The following EFEMP2 variants were observed in gnomAD, a reference collection of about 807,000 sequenced individuals.
EFEMP2 encodes EGF-like fibulin extracellular matrix protein 2.
Under a neutral mutation model 55.3 loss-of-function variants are expected in EFEMP2, and 21 were observed. The observed-to-expected ratio is 0.38, with a 90% confidence interval of 0.27 to 0.55. The LOEUF is 0.55. EFEMP2 is among the 20% of genes least tolerant of loss of function. The pLI, the probability that EFEMP2 is intolerant of heterozygous loss-of-function variation, is 0.77. For missense variants in EFEMP2, 513 were observed against 615.1 expected (o/e 0.83, Z 1.76); for synonymous variants, 275 against 242.3 (o/e 1.14, Z -1.25).
Position 65,867,036 on chromosome 11 carries a change from A to G in EFEMP2, c.1214T>C (p.Val405Ala), listed in dbSNP as rs1226554927. 3 of 1,614,074 alleles carry G rather than the reference A, an allele frequency of 1.9e-6. No homozygotes were observed. The highest frequency in any genetic ancestry group is 2.5e-6 in the Non-Finnish European group (3 of 1,180,002). ...VSAMLVLARP[V>A]TGPREYVLDL... ...CAGCACGTACTCCCGGGGGCCCGTC[A>G]CCGGCCGGGCGAGGACCAGCATGGC... Residue 405 changes from valine (V) to alanine (A), a missense_variant, in exon 11 of 11, where the codon GTG becomes GCG. Physicochemically the swap from Val to Ala is moderately conservative, Grantham distance 64 (BLOSUM62 0). Coordinates refer to ENST00000307998, the MANE Select transcript of EFEMP2 (RefSeq NM_016938.5).
chr11:65,868,606 T>C lies in EFEMP2; in HGVS notation c.751A>G (p.Ser251Gly). Residue 251 changes from serine (S) to glycine (G), a missense_variant, in exon 8 of 11, where the codon AGC (serine) becomes GGC (glycine). Ser to Gly is a moderately conservative substitution (Grantham distance 56). Coordinates refer to ENST00000307998, the MANE Select transcript of EFEMP2 (RefSeq NM_016938.5). The part of the protein sequence containing the change: ...CSDIDECSYS[S>G]YLCQYRCINE... ...ATGCAGCGGTACTGACAGAGGTAGCTGGAGTAGCTACACTCATCAATATCT... is the reference window on the plus strand; with the variant it reads ...ATGCAGCGGTACTGACAGAGGTAGCCGGAGTAGCTACACTCATCAATATCT... 1 of 1,613,908 alleles carries C rather than the reference T, an allele frequency of 6.2e-7. No homozygotes were observed. Among genetic ancestry groups the C allele is most frequent in the Non-Finnish European group, 8.5e-7 (1 of 1,180,026 alleles).
chr11:65,868,162 G>A, intron 9 of EFEMP2, 106 bp from the exon 10 acceptor site: 1 of 1,559,970 alleles, frequency 6.4e-7, no homozygotes, highest in African/African-American at 1.4e-5. Flanking sequence ...CTACCCCTGT[G>A]ACTGGTTTTC....
chr11:65,867,451 A>T, intron 10 of EFEMP2: 1 of 420,794 alleles, frequency 2.4e-6, no homozygotes, highest in South Asian at 2.2e-5. Flanking sequence ...TACTAGACAA[A>T]CCCCTTCTCC....
chr11:65,867,737 C>T (rs1311182051), intron 10 of EFEMP2, 124 bp downstream of exon 10: 1 of 1,084,522 alleles, frequency 9.2e-7, no homozygotes, highest in African/African-American at 1.6e-5. Context: ...GCAGAAACCC[C>T]GCCTCCGGGG....
chr11:65,867,840 T>G, intron 10 of EFEMP2, 21 bp downstream of exon 10: 1 of 1,613,570 alleles, frequency 6.2e-7, no homozygotes, highest in East Asian at 2.2e-5. Flanking sequence ...GCATGTCAGT[T>G]GAGGGTTGCA....
Position 65,868,366 on chromosome 11 carries a change from GAC to G in EFEMP2, c.901_902del (p.Val301GlnfsTer23). On this transcript the variant is annotated frameshift_variant, in exon 9 of 11. Coordinates refer to ENST00000307998, the MANE Select transcript of EFEMP2 (RefSeq NM_016938.5). LOFTEE classifies it high-confidence loss of function. Reference sequence around the variant, plus strand: ...CGCAGCGGTAGCCCCCATGGAAGTTGACACAGGTTTGGGCCTCGGAGCACTGG... The same window carrying G: ...CGCAGCGGTAGCCCCCATGGAAGTTGACAGGTTTGGGCCTCGGAGCACTGG... ...AHQCSEAQTCVNFHGGYRCVD... is the reference protein window; with the variant it reads ...AHQCSEAQTCXNFHGGYRCVD... 1.2e-6 allele frequency: 2 copies of G among 1,613,954 alleles called. No individual in the cohort carries two copies. The highest frequency in any genetic ancestry group is 1.7e-6 in the Non-Finnish European group (2 of 1,180,034).
chr11:65,867,693 G>A, intron 10 of EFEMP2, 168 bp downstream of exon 10: 1 of 726,962 alleles, frequency 1.4e-6, no homozygotes, highest in Non-Finnish European at 2.4e-6. Context: ...GCATTTAACC[G>A]TTAGAATTGC....
In EFEMP2 at chr11:65,867,062, G is replaced by A. The variant is rs2234473; in HGVS notation, c.1188C>T (p.Ser396=). 3,848 of 1,614,094 alleles carry A rather than the reference G, an allele frequency of 2.4e-3. 8 individuals are homozygous for A. The highest frequency in any genetic ancestry group is 2.6e-3 in the Non-Finnish European group (3,078 of 1,180,008). Reference sequence around the variant, plus strand: ...CCGGCCGGGCGAGGACCAGCATGGCGCTGACGTTGTTGATTTGCTGCAGGG... The same window carrying A: ...CCGGCCGGGCGAGGACCAGCATGGCACTGACGTTGTTGATTTGCTGCAGGG... ...DFYIRQINNV[S]AMLVLARPVT... The change falls in exon 11 of 11, where the codon AGC becomes AGT. Residue 396 remains serine (S), a synonymous_variant. Transcript: ENST00000307998.
Position 65,870,647 on chromosome 11 carries a change from A to C in EFEMP2, c.379T>G (p.Cys127Gly). Residue 127 changes from cysteine (C) to glycine (G), a missense_variant, in exon 5 of 11, where the codon TGT becomes GGT. Coordinates refer to ENST00000307998, the MANE Select transcript of EFEMP2 (RefSeq NM_016938.5). ...DQDSCVDVDE[C>G]AQALHDCRPS... Reference sequence around the variant, plus strand: ...CGACAGTCGTGCAGGGCCTGGGCACACTCGTCCACATCTGCGAGAGACACC... The same window carrying C: ...CGACAGTCGTGCAGGGCCTGGGCACCCTCGTCCACATCTGCGAGAGACACC... The C allele has an allele frequency of 6.2e-7, 1 of 1,613,900 alleles. No homozygotes were observed. The highest frequency in any genetic ancestry group is 1.1e-5 in the South Asian group (1 of 91,074).
rs370759216 is a variant in EFEMP2 at position 65,871,178 on chromosome 11, C to T, written c.346G>A (p.Asp116Asn). The T allele has an allele frequency of 1.2e-5, 20 of 1,614,064 alleles. No homozygotes were observed. The highest frequency in any genetic ancestry group is 8.0e-5 in the African/African-American group (6 of 74,930). Residue 116 changes from aspartate (D) to asparagine (N), a missense_variant, in exon 4 of 11, where the codon GAC becomes AAC. Physicochemically the swap from Asp to Asn is conservative, Grantham distance 23. Coordinates refer to ENST00000307998, the MANE Select transcript of EFEMP2 (RefSeq NM_016938.5). ...PNPCPPGYEP[D>N]DQDSCVDVDE... ...TCACCCACACAGCTGTCCTGATCGTCGGGCTCATAGCCTGGTGGGCAGGGG... is the reference window on the plus strand; with the variant it reads ...TCACCCACACAGCTGTCCTGATCGTTGGGCTCATAGCCTGGTGGGCAGGGG...
intron 10 of EFEMP2, 106 bp downstream of exon 10, chr11:65,867,755 T>C: frequency 3.1e-6 from 4 of 1,284,476 alleles, no homozygotes; most frequent in Admixed American, 1.8e-5. Context: ...GGGGCGGGGC[T>C]TTGGGGGAGG....
In EFEMP2 at chr11:65,871,186, T is replaced by TA; in HGVS notation, c.337dup (p.Tyr113LeufsTer2). 6.2e-7 allele frequency: 1 copy of TA among 1,614,180 alleles called. No individual in the cohort carries two copies. The highest frequency in any genetic ancestry group is 8.5e-7 in the Non-Finnish European group (1 of 1,180,016). ...ACAGCTGTCCTGATCGTCGGGCTCA[T>TA]AGCCTGGTGGGCAGGGGTTGGGGTG... On this transcript the variant is annotated frameshift_variant, in exon 4 of 11. Transcript: ENST00000307998. LOFTEE classifies it high-confidence loss of function.
intron 10 of EFEMP2, 46 bp from the exon 11 acceptor site, chr11:65,867,125 GT>G: frequency 6.2e-7 from 1 of 1,609,868 alleles, no homozygotes; most frequent in East Asian, 2.2e-5. Flanking sequence ...GTCAGCCTGT[GT>G]GCTAGGCCCC....
At chr11:65,872,391 C>T (rs1228790746) in intron 1 of EFEMP2, 30 bp from the exon 2 acceptor site, 84 of 1,474,668 alleles carry the variant, frequency 5.7e-5, no homozygotes, top group Non-Finnish European at 7.4e-5. Context: ...GGTCAGGGGC[C>T]TCTGCCCGCG....
At position 65,871,182 on chromosome 11, in the gene EFEMP2, C is replaced by T; in HGVS notation, c.342G>A (p.Glu114=). 3 of 1,614,202 alleles carry T rather than the reference C, an allele frequency of 1.9e-6. No individual in the cohort carries two copies. Among genetic ancestry groups the T allele is most frequent in the African/African-American group, 1.3e-5 (1 of 75,060 alleles). Residue 114 remains glutamate, a synonymous_variant, in exon 4 of 11, where the codon GAG becomes GAA. Transcript: ENST00000307998. The part of the protein sequence containing the change: ...QHPNPCPPGY[E]PDDQDSCVDV... ...CCACACAGCTGTCCTGATCGTCGGGCTCATAGCCTGGTGGGCAGGGGTTGG... is the reference window on the plus strand; with the variant it reads ...CCACACAGCTGTCCTGATCGTCGGGTTCATAGCCTGGTGGGCAGGGGTTGG...
chr11:65,867,160 C>T, intron 10 of EFEMP2, 81 bp from the exon 11 acceptor site: 1 of 1,571,398 alleles, frequency 6.4e-7, no homozygotes, highest in East Asian at 2.3e-5. Flanking sequence ...CCTCCCTGCC[C>T]CGTGGCCGTG....
intron 10 of EFEMP2, chr11:65,867,347 C>T (rs757681721): frequency 1.2e-4 from 66 of 550,848 alleles, no homozygotes; most frequent in Non-Finnish European, 1.7e-4. Flanking sequence ...TTCAAGGCCA[C>T]ATGTGGCTCT....
chr11:65,870,957 G>A (rs1383485817), intron 4 of EFEMP2, 200 bp downstream of exon 4: 13 of 750,204 alleles, frequency 1.7e-5, no homozygotes, highest in East Asian at 1.6e-4. Context: ...TGCAGCAACC[G>A]AGGGGAGGGG....
At chr11:65,872,159 A>ACTTCCCCGG in intron 2 of EFEMP2, 85 bp downstream of exon 2, 1 of 1,495,076 alleles carries the variant, frequency 6.7e-7, no homozygotes, top group Non-Finnish European at 9.1e-7. Flanking sequence ...GGGGAGGAAG[A>ACTTCCCCGG]CTTCCCCGGC....
Sources: allele counts gnomAD v4.1 joint callset, GRCh38; gene constraint gnomAD v4.1.1; transcripts MANE v1.5; gene names NCBI Gene and HGNC (gene_info 2026-07-23, HGNC 2026-07-21).